Variants in ZNF710 observed in about 807,000 individuals in gnomAD.
The protein encoded by ZNF710 is zinc finger protein 710.
A neutral mutation model predicts 50.6 loss-of-function variants in ZNF710; 13 were observed. The ratio of observed to expected loss-of-function variants is 0.26; its 90% CI spans 0.17 to 0.41. The LOEUF (loss-of-function observed/expected upper bound fraction) is 0.41. ZNF710 is among the 10% of genes least tolerant of loss of function. The pLI, the probability that ZNF710 is intolerant of heterozygous loss-of-function variation, is 1.00. For synonymous variants in ZNF710, 383 were observed against 397.0 expected, an observed-to-expected ratio of 0.96 and a Z score of 0.42; for missense variants, 721 against 936.6, an observed-to-expected ratio of 0.77 and a Z score of 3.01.
chr15:90,055,859 A>T (rs978674664), intron 1 of ZNF710, among the ~76,000 whole-genome samples: 13 of 152,242 alleles, frequency 8.5e-5, no homozygotes, highest in Admixed American at 7.8e-4. Flanking sequence ...CCACGCCTGT[A>T]ATCCCAGCAC....
Position 90,034,209 on chromosome 15 carries a change from AAAG to A in ZNF710, c.-29+32598_-29+32600del, listed in dbSNP as rs1205106289. On this transcript the variant is annotated intron_variant, in intron 1 of 4. Coordinates refer to ENST00000268154, the MANE Select transcript of ZNF710 (RefSeq NM_198526.4). The surrounding 1 kb of genome is among the most constrained non-coding windows in gnomAD (Gnocchi z 4.0). ...TGAGACTCTGTCTCAAAAAAAAAGA[AAAG>A]AAAAGAAAAGAAAAGAAAACAGGTG... 2.0e-5 allele frequency among the ~76,000 whole-genome samples: 3 copies of A among 149,678 alleles called. No individual in the cohort carries two copies. Among genetic ancestry groups the A allele is most frequent in the African/African-American group, 7.6e-5 (3 of 39,326 alleles).
At chr15:90,003,889 T>C (rs1898075934) in intron 1 of ZNF710, among the ~76,000 whole-genome samples, 1 of 151,940 alleles carries the variant, frequency 6.6e-6, no homozygotes, top group Non-Finnish European at 1.5e-5. Context: ...ATGAGGGCCG[T>C]GGGGATAGAG....
chr15:90,039,532 C>T (rs1402621321), intron 1 of ZNF710, among the ~76,000 whole-genome samples: 2 of 152,184 alleles, frequency 1.3e-5, no homozygotes, highest in African/African-American at 4.8e-5. Context: ...GGATCCAATA[C>T]GTGCTTGGCT....
At position 90,034,219 on chromosome 15, in the gene ZNF710, AAAG is replaced by A. The variant is rs1596278437; in HGVS notation, c.-29+32608_-29+32610del. Among the ~76,000 whole-genome samples the A allele has an allele frequency of 1.3e-5, 2 of 152,068 alleles. No homozygotes were observed. The highest frequency in any genetic ancestry group is 3.9e-4 in the East Asian group (2 of 5,180). ...TCTCAAAAAAAAAGAAAAGAAAAGAAAAGAAAAGAAAACAGGTGAACGACAGTC... is the reference window on the plus strand; with the variant it reads ...TCTCAAAAAAAAAGAAAAGAAAAGAAAAAAGAAAACAGGTGAACGACAGTC... On this transcript the variant is annotated intron_variant, in intron 1 of 4. Transcript: ENST00000268154. This position sits in a 1 kb window ranked among gnomAD's most constrained non-coding sequence, Gnocchi z 4.0.
rs1899273673 is a variant in ZNF710 at position 90,040,811 on chromosome 15, AT to A, written c.-28-26296del. ...TCTGAAATAATATGTTACTCCAGTG[AT>A]TTCTTGATTTATCAATTTCGGACAT... On this transcript the variant is annotated intron_variant, in intron 1 of 4. Coordinates refer to ENST00000268154, the MANE Select transcript of ZNF710 (RefSeq NM_198526.4). The surrounding 1 kb of genome is among the most constrained non-coding windows in gnomAD (Gnocchi z 4.6). 6.6e-6 allele frequency among the ~76,000 whole-genome samples: 1 copy of A among 152,120 alleles called. No individual in the cohort carries two copies. The highest frequency in any genetic ancestry group is 2.4e-5 in the African/African-American group (1 of 41,498).
In ZNF710 at chr15:90,052,792, G is replaced by A. The variant is rs551656922; in HGVS notation, c.-28-14318G>A. Among the ~76,000 whole-genome samples, 3 of 152,292 alleles carry A rather than the reference G, an allele frequency of 2.0e-5. No homozygotes were observed. The South Asian group carries it at 6.2e-4, about 32-fold the overall frequency. ...CTAAAAATACAAAAAAACTAGCCAGGCGTGTTGGCGCATGCCTGTAATTCC... is the reference window on the plus strand; with the variant it reads ...CTAAAAATACAAAAAAACTAGCCAGACGTGTTGGCGCATGCCTGTAATTCC... On this transcript the variant is annotated intron_variant, in intron 1 of 4. Transcript: ENST00000268154.
rs201252278 is a variant in ZNF710, at chr15:90,067,337, A to G, written c.200A>G (p.Tyr67Cys). 1.9e-6 allele frequency: 3 copies of G among 1,602,750 alleles called. No individual in the cohort carries two copies. The highest frequency in any genetic ancestry group is 3.4e-5 in the Admixed American group (2 of 58,140). ...GEPEPPGPDV[Y>C]QLACNGRALE... The stretch of plus-strand genomic sequence containing the variant: ...CCCGAGCCACCAGGCCCCGACGTCT[A>G]CCAGCTGGCCTGCAACGGGAGGGCC... The change falls in exon 2 of 5, where the codon TAC (tyrosine) becomes TGC (cysteine). Residue 67 changes from tyrosine (Y) to cysteine (C), a missense_variant. Transcript: ENST00000268154. This position sits in a 1 kb window ranked among gnomAD's most constrained non-coding sequence, Gnocchi z 8.1.
At position 90,068,855 on chromosome 15, in the gene ZNF710, G is replaced by A. The variant is rs1900280757; in HGVS notation, c.1458+260G>A. ...TGCCTGTAATCCCAGCGCTTTGGGA[G>A]GCCAAGGCAGGCAGATTGCTTGAGT... On this transcript the variant is annotated intron_variant, in intron 2 of 4. Transcript: ENST00000268154. This position sits in a 1 kb window ranked among gnomAD's most constrained non-coding sequence, Gnocchi z 5.0. Among the ~76,000 whole-genome samples the A allele has an allele frequency of 6.6e-6, 1 of 152,212 alleles. No individual in the cohort carries two copies. Among genetic ancestry groups the A allele is most frequent in the African/African-American group, 2.4e-5 (1 of 41,456 alleles).
At chr15:90,058,126 G>A in intron 1 of ZNF710, among the ~76,000 whole-genome samples, 1 of 152,150 alleles carries the variant, frequency 6.6e-6, no homozygotes, top group East Asian at 1.9e-4. Flanking sequence ...AGAGAGCGAG[G>A]GTTGTCAGAG....
chr15:90,002,019 C>CGCGGCGGCG (rs755847079), intron 1 of ZNF710, among the ~76,000 whole-genome samples: 1 of 146,702 alleles, frequency 6.8e-6, no homozygotes, highest in Non-Finnish European at 1.5e-5. Flanking sequence ...AGGAAAGCGT[C>CGCGGCGGCG]GCGGCGGCGG....
chr15:90,034,427 CCT>C lies in ZNF710; in HGVS notation c.-28-32682_-28-32681del, dbSNP rs1491366525. Among the ~76,000 whole-genome samples, 16 of 113,698 alleles carry C rather than the reference CCT, an allele frequency of 1.4e-4. No individual in the cohort carries two copies. The highest frequency in any genetic ancestry group is 4.6e-4 in the East Asian group (2 of 4,386). The allele number at this position is 113,698 out of a possible 152,430, so 74.6% of individuals were successfully genotyped here. A position where few individuals can be genotyped will look rare whatever the true frequency, so the allele number is the denominator to read the frequency against. On this transcript the variant is annotated intron_variant, in intron 1 of 4. Coordinates refer to ENST00000268154, the MANE Select transcript of ZNF710 (RefSeq NM_198526.4). This position sits in a 1 kb window ranked among gnomAD's most constrained non-coding sequence, Gnocchi z 4.0. ...CAGCTGTCCTTCCTGTTTCCAAATT[CCT>C]GTGTGTGTGTGTGTGTGTGTGTGTG...
At chr15:90,046,493 C>T (rs1294016977) in intron 1 of ZNF710, among the ~76,000 whole-genome samples, 2 of 151,970 alleles carry the variant, frequency 1.3e-5, no homozygotes, top group South Asian at 2.1e-4. Context: ...TGGAGGAGGG[C>T]GGAGGGACGA....
intron 1 of ZNF710, among the ~76,000 whole-genome samples, chr15:90,011,615 A>G (rs1009465601): frequency 1.2e-4 from 19 of 152,112 alleles, no homozygotes; most frequent in Admixed American, 2.6e-4. Context: ...TATTTTCCAC[A>G]TATTTACCTT....
intron 1 of ZNF710, among the ~76,000 whole-genome samples, chr15:90,049,004 C>T (rs1899555013): frequency 6.6e-6 from 1 of 152,146 alleles, no homozygotes; most frequent in Non-Finnish European, 1.5e-5. Flanking sequence ...TCCAAGTGTT[C>T]GTCCTCTCCC....
intron 2 of ZNF710, among the ~76,000 whole-genome samples, chr15:90,070,050 G>A (rs1262422915): frequency 6.6e-6 from 1 of 152,194 alleles, no homozygotes; most frequent in Non-Finnish European, 1.5e-5. Flanking sequence ...TGATACTCCA[G>A]GTCAAACTTG....
chr15:90,000,772 T>G (rs1001247492), upstream of ZNF710, among the ~76,000 whole-genome samples: 1 of 152,072 alleles, frequency 6.6e-6, no homozygotes, highest in Non-Finnish European at 1.5e-5. Context: ...CGCTCGCACT[T>G]GGGAAGGAAC....
chr15:90,013,124 G>A (rs1041325519), intron 1 of ZNF710, among the ~76,000 whole-genome samples: 1 of 152,098 alleles, frequency 6.6e-6, no homozygotes, highest in Non-Finnish European at 1.5e-5. Context: ...TTGAGATGGA[G>A]TTTCATTCTT....
chr15:90,051,813 A>C (rs2151508171), intron 1 of ZNF710, among the ~76,000 whole-genome samples: 1 of 152,214 alleles, frequency 6.6e-6, no homozygotes, highest in East Asian at 1.9e-4. Flanking sequence ...AATGATCTCA[A>C]CAGGCACAAC....
At chr15:90,061,517 GA>G (rs1183898969) in intron 1 of ZNF710, among the ~76,000 whole-genome samples, 21 of 152,142 alleles carry the variant, frequency 1.4e-4, no homozygotes, top group Admixed American at 1.4e-3. Context: ...ACTAGTCAAA[GA>G]GTGTCCAGGT....
Sources: gnomAD v4.1 joint callset for allele counts (sites outside exome capture counted in the v4.1 genomes callset) on GRCh38, gnomAD v4.1.1 for gene constraint, Gnocchi (gnomAD v3.1) non-coding constraint, MANE v1.5 for transcripts, NCBI Gene and HGNC (gene_info 2026-07-23, HGNC 2026-07-21) for gene names.